Variants in KCNB2 observed in about 807,000 individuals in gnomAD.
The protein encoded by KCNB2 is delayed rectifier potassium channel protein.
KCNB2 carries 15 observed loss-of-function variants against 61.5 expected under a neutral mutation model. The observed-to-expected ratio is 0.24, with a 90% confidence interval of 0.16 to 0.38. The LOEUF (loss-of-function observed/expected upper bound fraction) is 0.38, where lower values mean the gene tolerates loss of function less well. Ranked by LOEUF, KCNB2 falls within the 10% of genes least tolerant of loss-of-function variation. The pLI, the probability that KCNB2 is intolerant of heterozygous loss-of-function variation, is 1.00. For missense variants in KCNB2, 828 were observed against 1,125.2 expected (o/e 0.74, Z 3.78); for synonymous variants, 457 against 446.0 (o/e 1.02, Z -0.31).
At chr8:72,718,008 T>G (rs1241738247) in intron 2 of KCNB2, among the ~76,000 whole-genome samples, 1 of 151,736 alleles carries the variant, frequency 6.6e-6, no homozygotes, top group East Asian at 1.9e-4. Context: ...GCAAAGGATA[T>G]GAACAGACAC....
intron 1 of KCNB2, among the ~76,000 whole-genome samples, chr8:72,547,885 C>T (rs985622269): frequency 2.0e-5 from 3 of 152,132 alleles, no homozygotes; most frequent in African/African-American, 7.2e-5. Flanking sequence ...AATAGCATTG[C>T]ATGCTACTGA....
rs754284396 is a variant in KCNB2, at chr8:72,937,602, G to T, written c.2247G>T (p.Pro749=). ...VTTADFSLTT[P]QHISTILLEE... is the part of the protein sequence containing the mutation. ...CAGCTGACTTTTCGCTCACTACCCC[G>T]CAGCACATCAGTACCATCCTCTTAG... The change falls in exon 3 of 3, where the codon CCG becomes CCT. Residue 749 remains proline (P), a synonymous_variant. Transcript: ENST00000523207. The T allele has an allele frequency of 8.7e-6, 14 of 1,613,814 alleles. No homozygotes were observed. Among genetic ancestry groups the T allele is most frequent in the African/African-American group, 2.7e-5 (2 of 74,862 alleles).
chr8:72,666,574 G>C (rs899211219), intron 2 of KCNB2, among the ~76,000 whole-genome samples: 4 of 151,838 alleles, frequency 2.6e-5, no homozygotes, highest in Admixed American at 6.6e-5. Context: ...ATTCTGTGGT[G>C]CTGTTTTATT....
intron 2 of KCNB2, among the ~76,000 whole-genome samples, chr8:72,776,250 G>A (rs552430157): frequency 1.4e-5 from 2 of 140,356 alleles, no homozygotes; most frequent in Non-Finnish European, 1.5e-5. Context: ...AGGGCCTGTC[G>A]TGGGGTGGGG....
chr8:72,657,340 A>G (rs1000239106), intron 2 of KCNB2, among the ~76,000 whole-genome samples: 1 of 152,214 alleles, frequency 6.6e-6, no homozygotes, highest in Non-Finnish European at 1.5e-5. Context: ...TAACATTTTA[A>G]AGATGGACAG....
At chr8:72,628,351 G>A (rs1282886020) in intron 2 of KCNB2, among the ~76,000 whole-genome samples, 1 of 150,282 alleles carries the variant, frequency 6.7e-6, no homozygotes. Context: ...TGACTTTATT[G>A]CAGAACTGAC....
At chr8:72,893,100 T>TAA (rs750720798) in intron 2 of KCNB2, among the ~76,000 whole-genome samples, 10 of 137,944 alleles carry the variant, frequency 7.2e-5, no homozygotes, top group Non-Finnish European at 7.9e-5. Context: ...GCAAGTTGAT[T>TAA]AAAAAAAAAA....
chr8:72,914,555 T>C (rs184770324), intron 2 of KCNB2, among the ~76,000 whole-genome samples: 152 of 152,278 alleles, frequency 1.0e-3, no homozygotes, highest in Admixed American at 3.0e-3. Flanking sequence ...CATGTAGAAT[T>C]TGGAGTTAAA....
intron 2 of KCNB2, among the ~76,000 whole-genome samples, chr8:72,652,132 G>T (rs1208342297): frequency 6.6e-6 from 1 of 152,040 alleles, no homozygotes; most frequent in Non-Finnish European, 1.5e-5. Context: ...CAATGCCCTT[G>T]GACAAATTTT....
intron 2 of KCNB2, among the ~76,000 whole-genome samples, chr8:72,818,589 T>A (rs1234236798): frequency 6.6e-6 from 1 of 152,218 alleles, no homozygotes; most frequent in Non-Finnish European, 1.5e-5. Flanking sequence ...GTAATAATGA[T>A]GTAAATCTTA....
chr8:72,733,308 T>A (rs182001015), intron 2 of KCNB2, among the ~76,000 whole-genome samples: 1 of 152,274 alleles, frequency 6.6e-6, no homozygotes, highest in East Asian at 1.9e-4. Context: ...ATTCAAGAAT[T>A]TTGACTTTGG....
At chr8:72,737,750 A>G (rs966211222) in intron 2 of KCNB2, among the ~76,000 whole-genome samples, 1 of 152,144 alleles carries the variant, frequency 6.6e-6, no homozygotes, top group African/African-American at 2.4e-5. Flanking sequence ...AGGTTGAAGA[A>G]CAGACAATAG....
At chr8:72,702,578 G>C (rs1807150808) in intron 2 of KCNB2, among the ~76,000 whole-genome samples, 1 of 152,164 alleles carries the variant, frequency 6.6e-6, no homozygotes, top group Non-Finnish European at 1.5e-5. Flanking sequence ...GGGGAGGGCT[G>C]ACCTTATCAG....
chr8:72,780,705 C>T (rs1429638319), intron 2 of KCNB2, among the ~76,000 whole-genome samples: 1 of 152,092 alleles, frequency 6.6e-6, no homozygotes, highest in African/African-American at 2.4e-5. Flanking sequence ...ATCTTTATAA[C>T]AGAATGATTT....
At chr8:72,626,119 C>A (rs1046776845) in intron 2 of KCNB2, among the ~76,000 whole-genome samples, 5 of 152,128 alleles carry the variant, frequency 3.3e-5, no homozygotes, top group Admixed American at 1.3e-4. Context: ...CATTCATGAA[C>A]AACATGTATG....
intron 2 of KCNB2, among the ~76,000 whole-genome samples, chr8:72,766,636 T>C (rs549633833): frequency 6.6e-6 from 1 of 152,324 alleles, no homozygotes; most frequent in Admixed American, 6.5e-5. Flanking sequence ...TATATGTGAA[T>C]GTATTAACGC....
At chr8:72,872,770 C>T (rs967487049) in intron 2 of KCNB2, among the ~76,000 whole-genome samples, 1 of 152,158 alleles carries the variant, frequency 6.6e-6, no homozygotes, top group African/African-American at 2.4e-5. Context: ...ATAAAGAGTA[C>T]AGCCATCAAG....
At chr8:72,921,668 AT>A (rs1290563643) in intron 2 of KCNB2, among the ~76,000 whole-genome samples, 4 of 152,058 alleles carry the variant, frequency 2.6e-5, no homozygotes, top group African/African-American at 4.8e-5. Context: ...CCTTATTTAT[AT>A]TTCTCCCGTA....
chr8:72,835,008 T>C (rs1449556019), intron 2 of KCNB2, among the ~76,000 whole-genome samples: 1 of 152,160 alleles, frequency 6.6e-6, no homozygotes, highest in Non-Finnish European at 1.5e-5. Context: ...ATTCCTCTAG[T>C]GAGGCTCATT....
Sources: gnomAD v4.1 joint callset for allele counts (sites outside exome capture counted in the v4.1 genomes callset) on GRCh38, gnomAD v4.1.1 for gene constraint, MANE v1.5 for transcripts, NCBI Gene and HGNC (gene_info 2026-07-23, HGNC 2026-07-21) for gene names.